TEX9: variants seen among roughly 807,000 people sequenced by gnomAD.
The protein encoded by TEX9 is testis-expressed protein 9.
TEX9 carries 74 observed loss-of-function variants against 59.6 expected under a neutral mutation model. The observed-to-expected ratio is 1.24, with a 90% CI of 1.03 to 1.51. The LOEUF (loss-of-function observed/expected upper bound fraction) is 1.51. Ranked by LOEUF, TEX9 falls within the 40% of genes most tolerant of loss-of-function variation. The pLI is 0.00. For synonymous variants in TEX9, 186 were observed against 152.2 expected (o/e 1.22, Z -1.64); for missense variants, 522 against 447.8 (o/e 1.17, Z -1.49).
At chr15:56,360,089 A>G (rs575516636) in intron 1 of TEX9, among the ~76,000 whole-genome samples, 5 of 152,144 alleles carry the variant, frequency 3.3e-5, no homozygotes, top group South Asian at 2.1e-4. Context: ...ATCCCACTCC[A>G]TTGTGTTGCA....
intron 7 of TEX9, among the ~76,000 whole-genome samples, chr15:56,392,274 A>G (rs142205433): frequency 2.0e-5 from 3 of 152,300 alleles, no homozygotes; most frequent in African/African-American, 7.2e-5. Context: ...TGCAGGCTGT[A>G]TAGGAAGCAT....
At chr15:56,445,712 T>C (rs1260502662) in exon 13 of TEX9, 1 of 152,056 alleles carries the variant, frequency 6.6e-6, no homozygotes, top group Non-Finnish European at 1.5e-5. Context: ...AAACTAGTAC[T>C]TGCATGACAC....
intron 1 of TEX9, among the ~76,000 whole-genome samples, chr15:56,345,509 A>G (rs1388398873): frequency 2.0e-5 from 3 of 152,114 alleles, no homozygotes; most frequent in Non-Finnish European, 4.4e-5. Context: ...AGCTACACTC[A>G]AACTCATGGG....
At chr15:56,374,356 A>G (rs2047328531) in intron 3 of TEX9, 1 of 152,104 alleles carries the variant, frequency 6.6e-6, no homozygotes, top group Non-Finnish European at 1.5e-5. Flanking sequence ...AGCAAACAAT[A>G]TAAGGTTTCT....
At chr15:56,321,465 G>C (rs180819048) in intron 1 of TEX9, among the ~76,000 whole-genome samples, 2 of 152,152 alleles carry the variant, frequency 1.3e-5, no homozygotes, top group Non-Finnish European at 2.9e-5. Flanking sequence ...CAGTTATTCA[G>C]TGCTTAAAAG....
intron 1 of TEX9, among the ~76,000 whole-genome samples, chr15:56,328,080 G>C (rs2162217): frequency 0.52 from 78,669 of 151,028 alleles, 20,612 homozygotes; most frequent in Non-Finnish European, 0.55. Flanking sequence ...AAATAGCCCC[G>C]CTTCCTTCTG....
intron 1 of TEX9, among the ~76,000 whole-genome samples, chr15:56,316,807 G>C (rs147803845): frequency 6.6e-6 from 1 of 152,212 alleles, no homozygotes; most frequent in African/African-American, 2.4e-5. Context: ...GCGAGACTCC[G>C]TGAGCGTAGG....
chr15:56,299,964 ACTCT>A (rs1342937035), intron 1 of TEX9, among the ~76,000 whole-genome samples: 2 of 149,928 alleles, frequency 1.3e-5, no homozygotes, highest in Admixed American at 1.3e-4. Flanking sequence ...ATGAGGAGAG[ACTCT>A]CTCTGCTTGT....
chr15:56,246,775 C>T (rs1339585775), intron 1 of TEX9, among the ~76,000 whole-genome samples: 1 of 152,096 alleles, frequency 6.6e-6, no homozygotes, highest in Non-Finnish European at 1.5e-5. Context: ...AAAGTGTACA[C>T]CAGAGGAAAA....
chr15:56,306,540 T>C (rs1316476103), intron 1 of TEX9, among the ~76,000 whole-genome samples: 1 of 152,164 alleles, frequency 6.6e-6, no homozygotes, highest in Non-Finnish European at 1.5e-5. Flanking sequence ...CACTCATTTA[T>C]GGGAGCTAAA....
At chr15:56,265,026 G>C (rs1056311337) in intron 1 of TEX9, among the ~76,000 whole-genome samples, 1 of 152,136 alleles carries the variant, frequency 6.6e-6, no homozygotes. Context: ...TTGAAATCTT[G>C]TAGTAAGTCC....
chr15:56,456,518 C>A, the TEX9 span: 4 of 1,606,670 alleles, frequency 2.5e-6, no homozygotes, highest in South Asian at 4.5e-5. Context: ...TTGTTTTCTT[C>A]TGCCTGAACG....
Position 56,295,069 on chromosome 15 carries a change from A to G in TEX9, c.-107+50791A>G, listed in dbSNP as rs531657534. ...TACTTTTTTCCTTAACTAGTAATAA[A>G]CTATATATTTTTAATTCTATAATAT... On this transcript the variant is annotated intron_variant, in intron 1 of 5. Coordinates refer to the TEX9 transcript ENST00000560827. 2.9e-4 allele frequency among the ~76,000 whole-genome samples: 44 copies of G among 152,216 alleles called. No homozygotes were observed. The South Asian group carries it at 8.9e-3, about 31-fold the overall frequency.
intron 1 of TEX9, among the ~76,000 whole-genome samples, chr15:56,269,532 A>T (rs978351502): frequency 1.3e-5 from 2 of 151,816 alleles, no homozygotes; most frequent in East Asian, 3.9e-4. Flanking sequence ...CTTTGTTCTC[A>T]TTGGTTTCAA....
chr15:56,290,444 G>A (rs1489455986), intron 1 of TEX9, among the ~76,000 whole-genome samples: 1 of 151,784 alleles, frequency 6.6e-6, no homozygotes, highest in Admixed American at 6.6e-5. Context: ...TCATCAGCAA[G>A]CCCTGCCCCC....
chr15:56,287,948 C>A (rs1440411450), intron 1 of TEX9, among the ~76,000 whole-genome samples: 1 of 152,128 alleles, frequency 6.6e-6, no homozygotes, highest in African/African-American at 2.4e-5. Flanking sequence ...GATTCAATAT[C>A]TTGGCGACTG....
intron 2 of TEX9, among the ~76,000 whole-genome samples, chr15:56,369,386 C>A: frequency 6.6e-6 from 1 of 150,826 alleles, no homozygotes; most frequent in Non-Finnish European, 1.5e-5. Flanking sequence ...CAGGGTCTCA[C>A]CCTGTTGCCC....
intron 1 of TEX9, among the ~76,000 whole-genome samples, chr15:56,333,557 A>G (rs1298928222): frequency 6.6e-6 from 1 of 152,072 alleles, no homozygotes; most frequent in Admixed American, 6.5e-5. Flanking sequence ...ACAGAACCAT[A>G]GATAGTATAT....
At chr15:56,288,426 A>T (rs1232155184) in intron 1 of TEX9, among the ~76,000 whole-genome samples, 1 of 152,076 alleles carries the variant, frequency 6.6e-6, no homozygotes, top group East Asian at 1.9e-4. Context: ...AGACAGGTCT[A>T]GGGGTGATAA....
Sources: gnomAD v4.1 joint callset for allele counts (sites outside exome capture counted in the v4.1 genomes callset) on GRCh38, gnomAD v4.1.1 for gene constraint, MANE v1.5 for transcripts, NCBI Gene and HGNC (gene_info 2026-07-23, HGNC 2026-07-21) for gene names.